ARFGEF1: variants seen among roughly 807,000 people sequenced by gnomAD.
The protein encoded by ARFGEF1 is brefeldin A-inhibited guanine nucleotide-exchange protein 1.
In ARFGEF1, 42 loss-of-function variants were observed where a neutral mutation model predicts 231.0. The observed-to-expected ratio is 0.18, with a 90% CI of 0.14 to 0.24. The LOEUF (loss-of-function observed/expected upper bound fraction) is 0.24. Among genes scored for constraint, ARFGEF1 ranks in the 10% least tolerant of loss-of-function variants. The pLI is 1.00. For missense variants in ARFGEF1, 1,345 were observed against 2,192.0 expected, an observed-to-expected ratio of 0.61 and a Z score of 7.72; for synonymous variants, 710 against 732.3, an observed-to-expected ratio of 0.97 and a Z score of 0.49.
In ARFGEF1 at chr8:67,218,202, AAAAAAATAT is replaced by A. The variant is rs930820693; in HGVS notation, c.4339-73_4339-65del. 9.9e-5 allele frequency: 19 copies of A among 192,078 alleles called. 1 individual carries two copies. The highest frequency in any genetic ancestry group is 2.3e-4 in the South Asian group (1 of 4,292). The allele number at this position is 192,078 out of a possible 1,614,324, so 11.9% of individuals were successfully genotyped here. ...TCAACTACTATGATTAAAAAAAAAA[AAAAAAATAT>A]ATATATATATATATATATATATAAA... On this transcript the variant is annotated intron_variant, in intron 30 of 38. Coordinates refer to ENST00000262215, the MANE Select transcript of ARFGEF1 (RefSeq NM_006421.5).
chr8:67,256,982 T>C (rs1357907447), intron 17 of ARFGEF1, among the ~76,000 whole-genome samples: 1 of 152,116 alleles, frequency 6.6e-6, no homozygotes, highest in Non-Finnish European at 1.5e-5. Context: ...GAAAGAGATA[T>C]AGATAGAACA....
intron 34 of ARFGEF1, among the ~76,000 whole-genome samples, chr8:67,208,841 G>A (rs756428983): frequency 6.6e-6 from 1 of 152,150 alleles, no homozygotes; most frequent in Non-Finnish European, 1.5e-5. Context: ...ACAAGCATAT[G>A]AAAAGATGGT....
At chr8:67,321,564 T>C (rs1807595391) in intron 1 of ARFGEF1, among the ~76,000 whole-genome samples, 1 of 152,084 alleles carries the variant, frequency 6.6e-6, no homozygotes, top group African/African-American at 2.4e-5. Context: ...GGGTTCACGC[T>C]ATTCTCCTGC....
At chr8:67,341,425 CAAAAAAAA>C (rs1186065653) in intron 1 of ARFGEF1, among the ~76,000 whole-genome samples, 6 of 87,946 alleles carry the variant, frequency 6.8e-5, no homozygotes, top group Non-Finnish European at 9.1e-5. Context: ...CCATCTCCAC[CAAAAAAAA>C]AAAAAAAAAA....
chr8:67,280,282 T>C (rs763737048), intron 7 of ARFGEF1, among the ~76,000 whole-genome samples: 3 of 152,190 alleles, frequency 2.0e-5, no homozygotes, highest in South Asian at 2.1e-4. Context: ...TGTCTATCAA[T>C]AGAGCTGACC....
At chr8:67,288,796 G>C (rs10105795) in intron 6 of ARFGEF1, among the ~76,000 whole-genome samples, 1 of 151,880 alleles carries the variant, frequency 6.6e-6, no homozygotes, top group African/African-American at 2.4e-5. Flanking sequence ...AGATCAACAT[G>C]GTACTCTATG....
At chr8:67,202,717 C>T (rs572397648) in intron 36 of ARFGEF1, among the ~76,000 whole-genome samples, 1 of 152,162 alleles carries the variant, frequency 6.6e-6, no homozygotes, top group Non-Finnish European at 1.5e-5. Flanking sequence ...AACAGAGAAG[C>T]CATTCAAATA....
At chr8:67,203,432 C>T (rs1053697733) in intron 35 of ARFGEF1, among the ~76,000 whole-genome samples, 181 bp from the exon 36 acceptor site, 9 of 152,216 alleles carry the variant, frequency 5.9e-5, no homozygotes, top group African/African-American at 2.2e-4. Flanking sequence ...CCAAGCACCA[C>T]CTCCCATTAG....
chr8:67,333,002 A>G (rs1199938843), intron 1 of ARFGEF1, among the ~76,000 whole-genome samples: 2 of 151,696 alleles, frequency 1.3e-5, no homozygotes, highest in Non-Finnish European at 2.9e-5. Context: ...AATGTTAGCT[A>G]TTCTTTTTCC....
chr8:67,176,832 G>A (rs927055058), intron 5 of ARFGEF1, among the ~76,000 whole-genome samples: 1 of 152,088 alleles, frequency 6.6e-6, no homozygotes, highest in African/African-American at 2.4e-5. Context: ...AGCGCTTTGG[G>A]AGGCTGAAGT....
rs144679339 is a variant in ARFGEF1 at position 67,328,844 on chromosome 8, A to G, written c.124+14320T>C. Among the ~76,000 whole-genome samples, 1,074 of 152,334 alleles carry G rather than the reference A, an allele frequency of 7.1e-3. 10 individuals are homozygous for G. The highest frequency in any genetic ancestry group is 0.012 in the South Asian group (58 of 4,830). On this transcript the variant is annotated intron_variant, in intron 1 of 38. Coordinates refer to ENST00000262215, the MANE Select transcript of ARFGEF1 (RefSeq NM_006421.5). ...GCTGACAGAGATTCTGAGGGTTTGA[A>G]AAGAAGGAGAAAGAAGGAGAATCCG...
intron 34 of ARFGEF1, among the ~76,000 whole-genome samples, chr8:67,210,097 G>A (rs1476019192): frequency 6.9e-5 from 10 of 145,882 alleles, no homozygotes; most frequent in Admixed American, 2.1e-4. Flanking sequence ...GGAGCTTGCC[G>A]TGAGCCAAGA....
downstream of ARFGEF1, chr8:67,173,792 A>G (rs576909479): frequency 2.6e-4 from 40 of 152,286 alleles, no homozygotes; most frequent in African/African-American, 9.4e-4. Flanking sequence ...TCTGCCAGGC[A>G]TTGTGTTAAC....
At chr8:67,233,953 C>T (rs911155846) in intron 22 of ARFGEF1, among the ~76,000 whole-genome samples, 1 of 152,038 alleles carries the variant, frequency 6.6e-6, no homozygotes, top group African/African-American at 2.4e-5. Flanking sequence ...ATCAGAATTA[C>T]GTTCATACAG....
In ARFGEF1 at chr8:67,251,836, C is replaced by CA. The variant is rs779423989; in HGVS notation, c.2699-387dup. Among the ~76,000 whole-genome samples the CA allele has an allele frequency of 6.0e-3, 856 of 143,818 alleles. 20 individuals carry two copies. In the East Asian group the frequency reaches 0.097, roughly 16 times the overall value. 94.4% of individuals were successfully genotyped at this position (143,818 alleles called of 152,430 possible). A position where few individuals can be genotyped will look rare whatever the true frequency, so the allele number is the denominator to read the frequency against. On this transcript the variant is annotated intron_variant, in intron 18 of 38. Transcript: ENST00000262215. ...ATTTTATGTTCTATGAATTTCACCT[C>CA]AAAAAAAAAAATTCCTAGACTGGGA...
At chr8:67,277,847 T>C (rs1805375890) in intron 7 of ARFGEF1, among the ~76,000 whole-genome samples, 1 of 152,170 alleles carries the variant, frequency 6.6e-6, no homozygotes, top group Non-Finnish European at 1.5e-5. Context: ...GGGAAATAGG[T>C]TTCTTTATTG....
intron 1 of ARFGEF1, among the ~76,000 whole-genome samples, chr8:67,303,885 T>C (rs1245196812): frequency 6.6e-6 from 1 of 152,234 alleles, no homozygotes; most frequent in Non-Finnish European, 1.5e-5. Context: ...CTAATGTATT[T>C]ATGTTTGACA....
chr8:67,191,624 A>T (rs1022779531), intron 5 of ARFGEF1, among the ~76,000 whole-genome samples: 1 of 152,198 alleles, frequency 6.6e-6, no homozygotes, highest in Non-Finnish European at 1.5e-5. Context: ...AGTGTTGAAT[A>T]ATTTTCCACT....
intron 22 of ARFGEF1, among the ~76,000 whole-genome samples, chr8:67,236,325 A>C (rs1839736959): frequency 8.1e-6 from 1 of 124,160 alleles, no homozygotes; most frequent in African/African-American, 3.1e-5. Flanking sequence ...CTCAAAAAAA[A>C]AAAAAAAAAA....
Sources: allele counts gnomAD v4.1 joint callset (sites outside exome capture counted in the v4.1 genomes callset), GRCh38; gene constraint gnomAD v4.1.1; transcripts MANE v1.5; gene names NCBI Gene and HGNC (gene_info 2026-07-23, HGNC 2026-07-21).